The following CA10 variants were observed in gnomAD, a reference collection of about 807,000 sequenced individuals.
CA10 encodes the protein carbonic anhydrase 10 (inactive), also known as carbonic anhydrase-related protein 10.
A neutral mutation model predicts 44.2 loss-of-function variants in CA10; 14 were observed. The ratio of observed to expected loss-of-function variants is 0.32; its 90% CI spans 0.21 to 0.50. CA10 has a LOEUF of 0.50. Ranked by LOEUF, CA10 falls within the 20% of genes least tolerant of loss-of-function variation. CA10 has a pLI of 0.99. For missense variants in CA10, 350 were observed against 409.7 expected (o/e 0.85, Z 1.26); for synonymous variants, 159 against 141.6 (o/e 1.12, Z -0.87).
chr17:51,845,465 C>T (rs955841187), intron 3 of CA10, among the ~76,000 whole-genome samples: 2 of 152,168 alleles, frequency 1.3e-5, no homozygotes, highest in African/African-American at 4.8e-5. Context: ...GAACCTTGAG[C>T]CAGAACCCCA....
chr17:51,899,185 A>G (rs56923920), intron 3 of CA10, among the ~76,000 whole-genome samples: 3,252 of 152,150 alleles, frequency 0.021, 88 homozygotes, highest in African/African-American at 0.07. Flanking sequence ...ATTTAGCACT[A>G]TGAATATTTT....
chr17:51,819,745 G>A (rs1907692085), intron 3 of CA10, among the ~76,000 whole-genome samples: 1 of 152,198 alleles, frequency 6.6e-6, no homozygotes, highest in Admixed American at 6.5e-5. Flanking sequence ...CTGGGCCAGA[G>A]CCTAGAACAC....
chr17:51,686,074 G>T (rs1914999087), intron 4 of CA10, among the ~76,000 whole-genome samples: 1 of 145,208 alleles, frequency 6.9e-6, no homozygotes, highest in African/African-American at 2.7e-5. Flanking sequence ...GGAGATAATT[G>T]AATCATGGGT....
intron 1 of CA10, among the ~76,000 whole-genome samples, chr17:52,109,859 C>T (rs1988752789): frequency 6.6e-6 from 1 of 152,156 alleles, no homozygotes; most frequent in East Asian, 1.9e-4. Flanking sequence ...AAAGAAGAAT[C>T]ATGTTCCTTT....
intron 3 of CA10, among the ~76,000 whole-genome samples, chr17:51,904,803 G>A (rs1212401469): frequency 1.3e-5 from 2 of 151,944 alleles, no homozygotes; most frequent in South Asian, 2.1e-4. Context: ...CATGCCTATC[G>A]GAGGCAATGC....
At chr17:52,048,488 T>C (rs1986974517) in intron 2 of CA10, among the ~76,000 whole-genome samples, 1 of 152,028 alleles carries the variant, frequency 6.6e-6, no homozygotes, top group South Asian at 2.1e-4. Flanking sequence ...ATTCCTATAA[T>C]GTGATGTCTA....
At chr17:51,876,277 C>T (rs1003004913) in intron 3 of CA10, among the ~76,000 whole-genome samples, 2 of 150,736 alleles carry the variant, frequency 1.3e-5, no homozygotes, top group African/African-American at 4.9e-5. Flanking sequence ...AGCAATCCTC[C>T]CACCTCGGCC....
chr17:52,098,909 G>C (rs1988470312), intron 1 of CA10, among the ~76,000 whole-genome samples: 1 of 152,136 alleles, frequency 6.6e-6, no homozygotes, highest in Non-Finnish European at 1.5e-5. Context: ...ATTCGTACCT[G>C]GTGGTCATTG....
intron 2 of CA10, among the ~76,000 whole-genome samples, chr17:51,957,805 C>A (rs1393734097): frequency 2.0e-5 from 3 of 152,194 alleles, no homozygotes; most frequent in African/African-American, 4.8e-5. Flanking sequence ...GCAGATACTC[C>A]TGCTTTGAAT....
In CA10 at chr17:51,838,032, C is replaced by T. The variant is rs143799507; in HGVS notation, c.280-90214G>A. Reference sequence around the variant, plus strand: ...GTCTTGAAGCCTTTTATCTTTCCAACGTGTAATTAATTACCTTGTTTAAAA... The same window carrying T: ...GTCTTGAAGCCTTTTATCTTTCCAATGTGTAATTAATTACCTTGTTTAAAA... On this transcript the variant is annotated intron_variant, in intron 3 of 8. Coordinates refer to ENST00000451037, the MANE Select transcript of CA10 (RefSeq NM_020178.5). 3.1e-4 allele frequency among the ~76,000 whole-genome samples: 47 copies of T among 152,300 alleles called. No individual in the cohort carries two copies. The East Asian group carries it at 8.5e-3, about 27-fold the overall frequency.
chr17:51,919,541 G>T (rs1192749877), intron 3 of CA10, among the ~76,000 whole-genome samples: 1 of 152,176 alleles, frequency 6.6e-6, no homozygotes, highest in Non-Finnish European at 1.5e-5. Context: ...TGTTTAGATG[G>T]ATGGTAAGAG....
At chr17:51,676,966 G>A (rs559638109) in intron 4 of CA10, among the ~76,000 whole-genome samples, 67 of 152,254 alleles carry the variant, frequency 4.4e-4, no homozygotes, top group Admixed American at 4.0e-3. Flanking sequence ...CTTCCTGACA[G>A]CCAAGAGCAG....
intron 4 of CA10, among the ~76,000 whole-genome samples, chr17:51,724,052 G>T (rs923277692): frequency 2.0e-5 from 3 of 152,146 alleles, no homozygotes; most frequent in Non-Finnish European, 4.4e-5. Context: ...GATGAGGGGG[G>T]ACTGGAAGTT....
chr17:52,105,647 T>A (rs761290756), intron 1 of CA10, among the ~76,000 whole-genome samples: 13 of 152,240 alleles, frequency 8.5e-5, no homozygotes, highest in Non-Finnish European at 1.8e-4. Context: ...CACAGAAGTG[T>A]TCATGGGGAT....
chr17:51,710,688 G>A (rs1455815369), intron 4 of CA10, among the ~76,000 whole-genome samples: 1 of 152,092 alleles, frequency 6.6e-6, no homozygotes, highest in African/African-American at 2.4e-5. Context: ...CCCCGACTGA[G>A]CTTCCAGGAA....
At chr17:52,118,010 A>C (rs549396132) in intron 1 of CA10, among the ~76,000 whole-genome samples, 5 of 152,202 alleles carry the variant, frequency 3.3e-5, no homozygotes, top group Admixed American at 6.5e-5. Flanking sequence ...GGAACATTGA[A>C]GTAAAAGCAC....
chr17:51,725,962 A>G (rs943093840), intron 4 of CA10, among the ~76,000 whole-genome samples: 1 of 78,354 alleles, frequency 1.3e-5, no homozygotes, highest in African/African-American at 5.3e-5. Flanking sequence ...ACATTCTGCC[A>G]GAGCCCCAAA....
rs575944627 is a variant in CA10, at chr17:51,631,517, A to T, written c.*67T>A. 14 of 1,383,920 alleles carry T rather than the reference A, an allele frequency of 1.0e-5. No individual in the cohort carries two copies. The East Asian group carries it at 2.7e-4, about 27-fold the overall frequency. 85.7% of individuals were successfully genotyped at this position (1,383,920 alleles called of 1,614,324 possible). A position where few individuals can be genotyped will look rare whatever the true frequency, so the allele number is the denominator to read the frequency against. On this transcript the variant is annotated 3_prime_UTR_variant, in exon 9 of 9. Transcript: ENST00000451037. Reference sequence around the variant, plus strand: ...AGGAGAGAGAAGCAAGAAGGGGGACATTCTAGGTTACGTCAATTCACAGTT... The same window carrying T: ...AGGAGAGAGAAGCAAGAAGGGGGACTTTCTAGGTTACGTCAATTCACAGTT...
At chr17:51,917,419 G>A (rs765047181) in intron 3 of CA10, among the ~76,000 whole-genome samples, 14 of 110,342 alleles carry the variant, frequency 1.3e-4, no homozygotes, top group South Asian at 9.9e-4. Flanking sequence ...TGTTATTCAC[G>A]CTTAGGAGGT....
Sources: allele counts gnomAD v4.1 joint callset (sites outside exome capture counted in the v4.1 genomes callset), GRCh38; gene constraint gnomAD v4.1.1; transcripts MANE v1.5; gene names NCBI Gene and HGNC (gene_info 2026-07-23, HGNC 2026-07-21).